Variants in DYNC2I1 observed in about 807,000 individuals in gnomAD.
The protein encoded by DYNC2I1 is dynein 2 intermediate chain 1.
A neutral mutation model predicts 133.4 loss-of-function variants in DYNC2I1; 89 were observed. That is an observed-to-expected ratio of 0.67 (90% CI 0.56 to 0.80). The LOEUF (loss-of-function observed/expected upper bound fraction) is 0.80. Ranked by LOEUF, DYNC2I1 falls within the 30% of genes least tolerant of loss-of-function variation. DYNC2I1 has a pLI of 0.00. For synonymous variants in DYNC2I1, 504 were observed against 484.3 expected, an observed-to-expected ratio of 1.04 and a Z score of -0.54; for missense variants, 1,291 against 1,314.5, an observed-to-expected ratio of 0.98 and a Z score of 0.28.
intron 1 of DYNC2I1, chr7:158,869,459 C>A: frequency 2.1e-6 from 1 of 472,234 alleles, no homozygotes; most frequent in South Asian, 1.5e-5. Flanking sequence ...AGAAGGAGCA[C>A]AGACTCCCTC....
chr7:158,896,139 C>T (rs1002295289), intron 8 of DYNC2I1, among the ~76,000 whole-genome samples: 7 of 152,092 alleles, frequency 4.6e-5, no homozygotes, highest in African/African-American at 9.7e-5. Context: ...GATGCTGACA[C>T]GGAGTGGTGA....
intron 7 of DYNC2I1, among the ~76,000 whole-genome samples, chr7:158,890,724 C>G (rs1845126102): frequency 6.6e-6 from 1 of 152,110 alleles, no homozygotes; most frequent in African/African-American, 2.4e-5. Flanking sequence ...TAGGCACCCG[C>G]CACCATGCCT....
At chr7:158,905,768 A>C (rs184675405) in intron 10 of DYNC2I1, among the ~76,000 whole-genome samples, 1 of 152,342 alleles carries the variant, frequency 6.6e-6, no homozygotes, top group Admixed American at 6.5e-5. Flanking sequence ...TGAGTGGCAC[A>C]TACAATAGAT....
At chr7:158,894,087 C>G (rs955273829) in intron 8 of DYNC2I1, among the ~76,000 whole-genome samples, 1 of 152,110 alleles carries the variant, frequency 6.6e-6, no homozygotes. Flanking sequence ...ACATATTATA[C>G]CGTATAGCAA....
chr7:158,871,058 G>A (rs1842828045), intron 2 of DYNC2I1, 84 bp from the exon 3 acceptor site: 19 of 1,449,474 alleles, frequency 1.3e-5, no homozygotes, highest in Non-Finnish European at 1.8e-5. Flanking sequence ...CTTCAGCTGT[G>A]TGTGCTTCTC....
chr7:158,898,979 C>T (rs555498693), intron 8 of DYNC2I1, among the ~76,000 whole-genome samples: 3 of 151,902 alleles, frequency 2.0e-5, no homozygotes, highest in East Asian at 1.9e-4. Flanking sequence ...TGCTGTCATT[C>T]ATTTTACTTG....
chr7:158,911,712 A>G (rs1847498208), intron 12 of DYNC2I1, 33 bp downstream of exon 12: 2 of 1,583,008 alleles, frequency 1.3e-6, no homozygotes, highest in Non-Finnish European at 1.7e-6. Flanking sequence ...AAGTGATAAA[A>G]TGCAAGTAAA....
chr7:158,902,666 G>A (rs1168034969), intron 10 of DYNC2I1, 71 bp downstream of exon 10: 3 of 1,364,868 alleles, frequency 2.2e-6, no homozygotes, highest in Non-Finnish European at 3.1e-6. Context: ...CACAGATGCT[G>A]TCACACACAG....
chr7:158,858,071 G>A (rs537041022), intron 1 of DYNC2I1, among the ~76,000 whole-genome samples: 1 of 152,220 alleles, frequency 6.6e-6, no homozygotes, highest in South Asian at 2.1e-4. Context: ...GATTACAGGC[G>A]TGAGCCACCG....
downstream of DYNC2I1, among the ~76,000 whole-genome samples, chr7:158,957,414 C>T (rs956105927): frequency 6.6e-6 from 1 of 152,206 alleles, no homozygotes; most frequent in African/African-American, 2.4e-5. Flanking sequence ...TGTTTTATTC[C>T]TATACATTAG....
chr7:158,868,482 A>G (rs1842605941), intron 1 of DYNC2I1, among the ~76,000 whole-genome samples: 1 of 152,254 alleles, frequency 6.6e-6, no homozygotes, highest in Admixed American at 6.5e-5. Flanking sequence ...CGCAGTAGAA[A>G]CAACAAACAT....
At chr7:158,902,152 A>ATATG (rs1846320807) in intron 9 of DYNC2I1, among the ~76,000 whole-genome samples, 1 of 152,214 alleles carries the variant, frequency 6.6e-6, no homozygotes, top group Non-Finnish European at 1.5e-5. Flanking sequence ...GGTCTTCTGT[A>ATATG]TATGGTTCTG....
chr7:158,900,412 G>A (rs938813524), intron 8 of DYNC2I1, among the ~76,000 whole-genome samples: 12 of 152,102 alleles, frequency 7.9e-5, no homozygotes, highest in African/African-American at 1.2e-4. Flanking sequence ...GTGAGCCACC[G>A]CGCCCAGCCT....
At chr7:158,852,734 C>T (rs1396220094), upstream of DYNC2I1, among the ~76,000 whole-genome samples, 2 of 151,780 alleles carry the variant, frequency 1.3e-5, no homozygotes, top group Non-Finnish European at 2.9e-5. Context: ...AGCGAGACTT[C>T]GTCTCAAAAA....
chr7:158,847,363 T>TAG, the DYNC2I1 span, among the ~76,000 whole-genome samples: 2 of 152,114 alleles, frequency 1.3e-5, no homozygotes, highest in African/African-American at 2.4e-5. Flanking sequence ...CTTTAAATAG[T>TAG]GACTCTTAAA....
rs1405991560 is a variant in DYNC2I1 at position 158,908,686 on chromosome 7, G to C, written c.1460+2595G>C. 3.3e-5 allele frequency among the ~76,000 whole-genome samples: 5 copies of C among 152,286 alleles called. No homozygotes were observed. In the East Asian group the frequency reaches 9.7e-4, roughly 29 times the overall value. Reference sequence around the variant, plus strand: ...GTTGGAAGAGCTGAGCTTCAGCAGGGCCCAGGAGCAGCTCAGAGATTTGCC... The same window carrying C: ...GTTGGAAGAGCTGAGCTTCAGCAGGCCCCAGGAGCAGCTCAGAGATTTGCC... On this transcript the variant is annotated intron_variant, in intron 11 of 24. Coordinates refer to ENST00000407559, the MANE Select transcript of DYNC2I1 (RefSeq NM_018051.5).
At position 158,911,306 on chromosome 7, in the gene DYNC2I1, GAC is replaced by G. The variant is rs555216333; in HGVS notation, c.1461-235_1461-234del. On this transcript the variant is annotated intron_variant, in intron 11 of 24. Transcript: ENST00000407559. ...TAGAACGGTCACACATGAGGTTCGTGACACACACACGAGGCAGTCGGGGAGCA... is the reference window on the plus strand; with the variant it reads ...TAGAACGGTCACACATGAGGTTCGTGACACACACGAGGCAGTCGGGGAGCA... 9.9e-3 allele frequency among the ~76,000 whole-genome samples: 1,501 copies of G among 152,242 alleles called. 14 individuals carry two copies. Among genetic ancestry groups the G allele is most frequent in the South Asian group, 0.028 (136 of 4,824 alleles).
At chr7:158,955,988 G>A (rs1216606732) in intron 4 of DYNC2I1, among the ~76,000 whole-genome samples, 1 of 152,242 alleles carries the variant, frequency 6.6e-6, no homozygotes, top group Non-Finnish European at 1.5e-5. Flanking sequence ...CAGATTTTCT[G>A]TAATATTGGA....
chr7:158,949,991 G>A (rs538553242), downstream of DYNC2I1, among the ~76,000 whole-genome samples: 434 of 151,984 alleles, frequency 2.9e-3, 2 homozygotes, highest in African/African-American at 1.0e-2. Context: ...GGCTGGTCTC[G>A]AACTCCCAAC....
Sources: gnomAD v4.1 joint callset for allele counts (sites outside exome capture counted in the v4.1 genomes callset) on GRCh38, gnomAD v4.1.1 for gene constraint, MANE v1.5 for transcripts, NCBI Gene and HGNC (gene_info 2026-07-23, HGNC 2026-07-21) for gene names.